USP34: variants seen among roughly 807,000 people sequenced by gnomAD.
USP34 encodes ubiquitin carboxyl-terminal hydrolase 34.
In USP34, 70 loss-of-function variants were observed where a neutral mutation model predicts 460.3. The observed-to-expected ratio is 0.15, with a 90% confidence interval of 0.13 to 0.19. USP34 has a LOEUF of 0.19. Ranked by LOEUF, USP34 falls within the 10% of genes least tolerant of loss-of-function variation. The pLI, the probability that USP34 is intolerant of heterozygous loss-of-function variation, is 1.00. For missense variants in USP34, 3,985 were observed against 4,236.2 expected (o/e 0.94, Z 1.65); for synonymous variants, 1,647 against 1,405.3 (o/e 1.17, Z -3.85).
At chr2:61,216,606 CAACAAAA>C (rs918920579) in intron 67 of USP34, among the ~76,000 whole-genome samples, 16 of 145,422 alleles carry the variant, frequency 1.1e-4, no homozygotes, top group African/African-American at 2.5e-4. Flanking sequence ...TCTCAAAAAA[CAACAAAA>C]AACAAAAAAC....
intron 44 of USP34, among the ~76,000 whole-genome samples, chr2:61,258,303 G>A (rs1688776082): frequency 6.6e-6 from 1 of 152,188 alleles, no homozygotes; most frequent in African/African-American, 2.4e-5. Flanking sequence ...TAGCCTGGGT[G>A]ACAGAGTGAG....
At chr2:61,422,768 G>A (rs1694399189) in intron 1 of USP34, among the ~76,000 whole-genome samples, 1 of 152,176 alleles carries the variant, frequency 6.6e-6, no homozygotes, top group South Asian at 2.1e-4. Context: ...GAAGGCCAAG[G>A]CGGGCAGATC....
intron 43 of USP34, among the ~76,000 whole-genome samples, chr2:61,260,855 T>G (rs1276282052): frequency 6.6e-6 from 1 of 152,120 alleles, no homozygotes; most frequent in Non-Finnish European, 1.5e-5. Flanking sequence ...GAAGTATGAG[T>G]TGGCTAAAGA....
At chr2:61,347,687 ATTTTGTG>A (rs1434543717) in intron 15 of USP34, among the ~76,000 whole-genome samples, 176 bp downstream of exon 15, 4 of 152,104 alleles carry the variant, frequency 2.6e-5, no homozygotes, top group Admixed American at 2.6e-4. Flanking sequence ...AACCTGCTTC[ATTTTGTG>A]TTTTTAAATG....
At chr2:61,209,445 A>AT (rs749522746) in intron 69 of USP34, among the ~76,000 whole-genome samples, 4 of 152,244 alleles carry the variant, frequency 2.6e-5, no homozygotes, top group Non-Finnish European at 5.9e-5. Context: ...ATTGTGGTAA[A>AT]TGATGGATCA....
Position 61,317,717 on chromosome 2 carries a change from A to C in USP34, c.3219T>G (p.Phe1073Leu). ...ETISMTGLNL[F>L]QHLCNLARLA... ...ATCGAGCCAAGTTACAGAGATGCTG[A>C]AACAGGTTTAAGCCAGTCATGCTAA... The change falls in exon 23 of 80, where the codon TTT becomes TTG. Residue 1073 changes from phenylalanine to leucine, a missense_variant. This residue lies in a region of USP34 where 1,114 missense variants were observed against 1,122.5 expected (regional missense o/e 0.99). Coordinates refer to ENST00000398571, the MANE Select transcript of USP34 (RefSeq NM_014709.4). 6.2e-7 allele frequency: 1 copy of C among 1,614,152 alleles called. No homozygotes were observed. The highest frequency in any genetic ancestry group is 8.5e-7 in the Non-Finnish European group (1 of 1,180,016).
intron 8 of USP34, among the ~76,000 whole-genome samples, chr2:61,371,377 C>G (rs1009487139): frequency 6.7e-6 from 1 of 149,438 alleles, no homozygotes; most frequent in African/African-American, 2.5e-5. Flanking sequence ...GATACTCTTT[C>G]TAGTTTTTTT....
intron 5 of USP34, among the ~76,000 whole-genome samples, chr2:61,389,296 T>C (rs763560826): frequency 4.6e-5 from 7 of 152,192 alleles, no homozygotes; most frequent in Non-Finnish European, 8.8e-5. Context: ...CTTTGATAAA[T>C]CACTGAGCCA....
intron 47 of USP34, 140 bp downstream of exon 47, chr2:61,256,733 T>A: frequency 1.5e-6 from 1 of 677,634 alleles, no homozygotes; most frequent in Non-Finnish European, 2.3e-6. Flanking sequence ...GATGTTTAAC[T>A]CTTATTTGAA....
At chr2:61,199,597 A>G (rs991593319) in intron 75 of USP34, among the ~76,000 whole-genome samples, 3 of 152,222 alleles carry the variant, frequency 2.0e-5, no homozygotes, top group Non-Finnish European at 2.9e-5. Flanking sequence ...ATTTTGGTCT[A>G]AAGAGTGACA....
rs775551541 is a variant in USP34, at chr2:61,241,833, CAA to C, written c.6628-16_6628-15del. The C allele has an allele frequency of 2.7e-6, 4 of 1,459,842 alleles. No individual in the cohort carries two copies. The highest frequency in any genetic ancestry group is 4.8e-5 in the East Asian group (2 of 41,644). The allele number at this position is 1,459,842 out of a possible 1,614,324, so 90.4% of individuals were successfully genotyped here. Reference sequence around the variant, plus strand: ...ATAGGTCTTGGTCTGTTTAAAAATACAAAAGTTTTACTTCTTTGAAAAAATGG... The same window carrying C: ...ATAGGTCTTGGTCTGTTTAAAAATACAAGTTTTACTTCTTTGAAAAAATGG... On this transcript the variant is annotated splice_polypyrimidine_tract_variant and intron_variant, in intron 51 of 79. Coordinates refer to ENST00000398571, the MANE Select transcript of USP34 (RefSeq NM_014709.4).
intron 47 of USP34, 91 bp from the exon 48 acceptor site, chr2:61,256,569 T>C: frequency 2.9e-6 from 3 of 1,047,718 alleles, no homozygotes; most frequent in Non-Finnish European, 4.0e-6. Context: ...GACAGAATGC[T>C]CAGCAAAAAA....
intron 10 of USP34, among the ~76,000 whole-genome samples, chr2:61,362,560 A>C (rs1257303344): frequency 6.6e-6 from 1 of 152,224 alleles, no homozygotes; most frequent in Non-Finnish European, 1.5e-5. Context: ...TAAACCAGAC[A>C]AAGAGAGATA....
intron 5 of USP34, among the ~76,000 whole-genome samples, chr2:61,384,704 G>A (rs1349101757): frequency 6.6e-6 from 1 of 151,934 alleles, no homozygotes; most frequent in Non-Finnish European, 1.5e-5. Context: ...TAAAATACAT[G>A]AATTTGGGAA....
chr2:61,424,062 A>C (rs1694440413), intron 1 of USP34, among the ~76,000 whole-genome samples: 1 of 152,226 alleles, frequency 6.6e-6, no homozygotes, highest in Admixed American at 6.5e-5. Flanking sequence ...GCTGCTGTGG[A>C]AAACAGTATG....
chr2:61,390,712 G>T (rs1005515873), intron 5 of USP34, among the ~76,000 whole-genome samples: 1 of 152,064 alleles, frequency 6.6e-6, no homozygotes, highest in East Asian at 1.9e-4. Context: ...GATAAGGTAA[G>T]AATTTCCTTT....
At chr2:61,456,478 A>C (rs1005294345) in intron 1 of USP34, among the ~76,000 whole-genome samples, 2 of 152,218 alleles carry the variant, frequency 1.3e-5, no homozygotes, top group Non-Finnish European at 2.9e-5. Context: ...GCATAGTTTA[A>C]GTACGTGATG....
chr2:61,409,394 A>G (rs1693974734), intron 2 of USP34, among the ~76,000 whole-genome samples: 1 of 152,130 alleles, frequency 6.6e-6, no homozygotes, highest in Non-Finnish European at 1.5e-5. Context: ...GAAGAAAGCC[A>G]AAGATTCAGC....
intron 35 of USP34, among the ~76,000 whole-genome samples, chr2:61,284,349 C>T (rs1689624301): frequency 6.6e-6 from 1 of 152,004 alleles, no homozygotes; most frequent in African/African-American, 2.4e-5. Flanking sequence ...AAATAACTGG[C>T]CTGCATTACT....
Sources: allele counts gnomAD v4.1 joint callset (sites outside exome capture counted in the v4.1 genomes callset), GRCh38; gene constraint gnomAD v4.1.1; regional missense constraint gnomAD v4.1.1; transcripts MANE v1.5; gene names NCBI Gene and HGNC (gene_info 2026-07-23, HGNC 2026-07-21).